The following GSN variants were observed in gnomAD, a reference collection of about 807,000 sequenced individuals.
The protein encoded by GSN is gelsolin.
Under a neutral mutation model 85.7 loss-of-function variants are expected in GSN, and 56 were observed. That is an observed-to-expected ratio of 0.65 (90% CI 0.53 to 0.82). The LOEUF (loss-of-function observed/expected upper bound fraction) is 0.82, where lower values mean the gene tolerates loss of function less well. Among genes scored for constraint, GSN ranks in the 40% least tolerant of loss-of-function variants. The pLI is 0.00. For missense variants in GSN, 857 were observed against 979.8 expected, an observed-to-expected ratio of 0.87 and a Z score of 1.67; for synonymous variants, 373 against 399.1, an observed-to-expected ratio of 0.93 and a Z score of 0.78.
intron 17 of GSN, 30 bp downstream of exon 17, chr9:121,331,478 G>T: frequency 8.7e-7 from 1 of 1,148,694 alleles, no homozygotes; most frequent in Non-Finnish European, 1.3e-6. Flanking sequence ...GGGGCGGGGG[G>T]AGGGGTCCGT....
chr9:121,289,489 G>T (rs967108922), intron 2 of GSN, among the ~76,000 whole-genome samples: 3 of 152,226 alleles, frequency 2.0e-5, no homozygotes, highest in South Asian at 2.1e-4. Context: ...TTAGGAGAGA[G>T]AGAACCTGCT....
rs2054992082 is a variant in GSN at position 121,257,572 on chromosome 9, T to G, written c.-340-7582T>G. On this transcript the variant is annotated intron_variant, in intron 6 of 24. Coordinates refer to the GSN transcript ENST00000373823. ...TCCCTGGAGATGAAGTGATTACAGG[T>G]GAGAAAACTGAGGCTCACCCAGATG... is the stretch of plus-strand genomic sequence containing the variant. Among the ~76,000 whole-genome samples the G allele has an allele frequency of 2.0e-5, 3 of 152,100 alleles. No homozygotes were observed. In the South Asian group the frequency reaches 6.2e-4, roughly 32 times the overall value.
intron 17 of GSN, chr9:121,331,671 TCTC>T: frequency 2.0e-6 from 1 of 506,828 alleles, no homozygotes; most frequent in African/African-American, 1.9e-5. Context: ...CAAAGAAGGC[TCTC>T]CTCTGTTCCA....
chr9:121,307,452 G>A (rs1249107470), intron 4 of GSN, among the ~76,000 whole-genome samples: 1 of 152,152 alleles, frequency 6.6e-6, no homozygotes, highest in East Asian at 1.9e-4. Context: ...ATGTCCAGGT[G>A]AATGAAGTCC....
At chr9:121,226,319 C>T (rs770197587) in intron 4 of GSN, among the ~76,000 whole-genome samples, 3 of 152,178 alleles carry the variant, frequency 2.0e-5, no homozygotes, top group Admixed American at 6.5e-5. Context: ...ACATCAGACA[C>T]GGGACAGATA....
At chr9:121,330,184 C>G (rs767255800) in intron 16 of GSN, among the ~76,000 whole-genome samples, 2 of 152,218 alleles carry the variant, frequency 1.3e-5, no homozygotes, top group Non-Finnish European at 2.9e-5. Flanking sequence ...CATGGTCTTG[C>G]AGGCAAAATG....
In GSN at chr9:121,261,649, A is replaced by G. The variant is rs574678282; in HGVS notation, c.-340-3505A>G. 3.3e-5 allele frequency among the ~76,000 whole-genome samples: 5 copies of G among 152,276 alleles called. No individual in the cohort carries two copies. The highest frequency in any genetic ancestry group is 1.9e-4 in the East Asian group (1 of 5,188). Reference sequence around the variant, plus strand: ...TTTCCTCCCGTTTTTTATAAGACCCATCCATCTTGCCATATGGCTTGGTCT... The same window carrying G: ...TTTCCTCCCGTTTTTTATAAGACCCGTCCATCTTGCCATATGGCTTGGTCT... On this transcript the variant is annotated intron_variant, in intron 6 of 24. Coordinates refer to the GSN transcript ENST00000373823. This position sits in a 1 kb window ranked among gnomAD's most constrained non-coding sequence, Gnocchi z 4.1.
In GSN at chr9:121,216,996, T is replaced by A. The variant is rs558583703; in HGVS notation, c.-528+6129T>A. On this transcript the variant is annotated intron_variant, in intron 4 of 24. Transcript: ENST00000373823. Reference sequence around the variant, plus strand: ...CCTAATTTCCTCTTCTTTTTTTAGTTCTGGGTTTTGTCTTCCACTTTATTT... The same window carrying A: ...CCTAATTTCCTCTTCTTTTTTTAGTACTGGGTTTTGTCTTCCACTTTATTT... Among the ~76,000 whole-genome samples, 236 of 152,340 alleles carry A rather than the reference T, an allele frequency of 1.5e-3. 1 individual carries two copies. Among genetic ancestry groups the A allele is most frequent in the Non-Finnish European group, 1.9e-3 (129 of 68,020 alleles).
At chr9:121,265,973 C>A (rs1427726335), upstream of GSN, among the ~76,000 whole-genome samples, 1 of 152,178 alleles carries the variant, frequency 6.6e-6, no homozygotes. Flanking sequence ...GGAGCACTCC[C>A]ATGTAAGTAT....
intron 2 of GSN, among the ~76,000 whole-genome samples, chr9:121,298,364 T>C (rs138403911): frequency 2.0e-4 from 30 of 152,356 alleles, no homozygotes; most frequent in African/African-American, 7.0e-4. Flanking sequence ...AGCCTTCTTA[T>C]AATCTCTCCA....
intron 2 of GSN, among the ~76,000 whole-genome samples, chr9:121,289,630 T>G (rs1416735145): frequency 6.6e-6 from 1 of 152,206 alleles, no homozygotes; most frequent in Admixed American, 6.5e-5. Context: ...TACCTCATCT[T>G]GTCTCATTTG....
intron 4 of GSN, among the ~76,000 whole-genome samples, chr9:121,217,212 A>G (rs1425118984): frequency 6.6e-6 from 1 of 152,008 alleles, no homozygotes; most frequent in Non-Finnish European, 1.5e-5. Flanking sequence ...AAATACAAAA[A>G]AAAATTAGCT....
At chr9:121,251,216 T>TCTTCACC (rs2054828502) in intron 6 of GSN, among the ~76,000 whole-genome samples, 5 of 96,618 alleles carry the variant, frequency 5.2e-5, no homozygotes, top group Non-Finnish European at 1.0e-4. Context: ...GGATTCTCAC[T>TCTTCACC]CTTCACCCAG....
At position 121,217,552 on chromosome 9, in the gene GSN, C is replaced by T. The variant is rs114700937; in HGVS notation, c.-528+6685C>T. Among the ~76,000 whole-genome samples the T allele has an allele frequency of 5.9e-5, 9 of 151,872 alleles. 1 individual carries two copies. Among genetic ancestry groups the T allele is most frequent in the Non-Finnish European group, 1.3e-4 (9 of 67,962 alleles). Reference sequence around the variant, plus strand: ...CCAACCTAAACCCTCCAATAGGCCCCTAATCTCCTTTTCTTATAAAGATAC... The same window carrying T: ...CCAACCTAAACCCTCCAATAGGCCCTTAATCTCCTTTTCTTATAAAGATAC... On this transcript the variant is annotated intron_variant, in intron 4 of 24. Transcript: ENST00000373823.
At chr9:121,286,716 C>T (rs758678740) in intron 2 of GSN, 1 of 1,535,456 alleles carries the variant, frequency 6.5e-7, no homozygotes, top group Non-Finnish European at 8.7e-7. Context: ...GGCCATCATT[C>T]TCCTTACCTG....
intron 4 of GSN, among the ~76,000 whole-genome samples, chr9:121,218,863 T>C (rs1173535943): frequency 6.6e-6 from 1 of 152,204 alleles, no homozygotes; most frequent in African/African-American, 2.4e-5. Flanking sequence ...CTCTCCATTT[T>C]GTGAGAGTTT....
rs374587728 is a variant in GSN, at chr9:121,239,354, A to T, written c.-389+8051A>T. On this transcript the variant is annotated intron_variant, in intron 5 of 24. Coordinates refer to the GSN transcript ENST00000373823. The stretch of plus-strand genomic sequence containing the variant: ...ATAGTTGGGTCATTAGCCAAGTTCA[A>T]AAACAGGCAGATGTTGTCCATTGAG... The T allele has an allele frequency of 2.8e-3, 1,239 of 447,798 alleles. 1 individual carries two copies. Among genetic ancestry groups the T allele is most frequent in the Non-Finnish European group, 3.6e-3 (827 of 229,490 alleles). The allele number at this position is 447,798 out of a possible 1,614,324, so 27.7% of individuals were successfully genotyped here. A position where few individuals can be genotyped will look rare whatever the true frequency, so the allele number is the denominator to read the frequency against.
intron 2 of GSN, among the ~76,000 whole-genome samples, chr9:121,295,301 G>A (rs555940830): frequency 1.1e-3 from 175 of 152,308 alleles, no homozygotes; most frequent in African/African-American, 3.8e-3. Context: ...GCCCTGTTCA[G>A]TTCCACTGGG....
chr9:121,272,700 C>T (rs573731217), intron 1 of GSN, among the ~76,000 whole-genome samples: 93 of 152,292 alleles, frequency 6.1e-4, no homozygotes, highest in African/African-American at 2.2e-3. Flanking sequence ...AACACACTTA[C>T]TATGTATGTT....
Sources: gnomAD v4.1 joint callset for allele counts (sites outside exome capture counted in the v4.1 genomes callset) on GRCh38, gnomAD v4.1.1 for gene constraint, Gnocchi (gnomAD v3.1) non-coding constraint, MANE v1.5 for transcripts, NCBI Gene and HGNC (gene_info 2026-07-23, HGNC 2026-07-21) for gene names.